CADM2: variants seen among roughly 807,000 people sequenced by gnomAD.
CADM2 encodes immunoglobulin superfamily member 4D.
Under a neutral mutation model 49.8 loss-of-function variants are expected in CADM2, and 12 were observed. The observed-to-expected ratio is 0.24, with a 90% CI of 0.15 to 0.39. CADM2 has a LOEUF of 0.39. Ranked by LOEUF, CADM2 falls within the 10% of genes least tolerant of loss-of-function variation. The pLI is 1.00. For missense variants in CADM2, 378 were observed against 492.3 expected (o/e 0.77, Z 2.20); for synonymous variants, 214 against 175.4 (o/e 1.22, Z -1.74).
intron 1 of CADM2, among the ~76,000 whole-genome samples, chr3:85,082,096 G>A (rs376055042): frequency 1.3e-5 from 2 of 152,172 alleles, no homozygotes; most frequent in Non-Finnish European, 2.9e-5. Context: ...ATTAGCTCAC[G>A]TATGCTCAAT....
intron 1 of CADM2, among the ~76,000 whole-genome samples, chr3:84,987,263 C>A (rs1410798086): frequency 6.6e-6 from 1 of 151,776 alleles, no homozygotes; most frequent in Non-Finnish European, 1.5e-5. Context: ...TAGGTGGTGT[C>A]TTCTGTTAGC....
intron 8 of CADM2, among the ~76,000 whole-genome samples, chr3:86,056,347 G>T (rs2107359616): frequency 6.6e-6 from 1 of 152,308 alleles, no homozygotes; most frequent in African/African-American, 2.4e-5. Context: ...ATCGCTGAAA[G>T]GAAGAGAACT....
chr3:85,507,857 G>T (rs1467656875), intron 1 of CADM2, among the ~76,000 whole-genome samples: 1 of 152,066 alleles, frequency 6.6e-6, no homozygotes, highest in African/African-American at 2.4e-5. Context: ...GCAGCATCTA[G>T]GTATGCAATT....
Position 85,823,311 on chromosome 3 carries a change from A to T in CADM2, c.238+21115A>T, listed in dbSNP as rs565410700. ...AGCTAAGAACCCTGATATTTAGCTGATACTTCTATTGTGCACTAAGGTTTT... is the reference window on the plus strand; with the variant it reads ...AGCTAAGAACCCTGATATTTAGCTGTTACTTCTATTGTGCACTAAGGTTTT... On this transcript the variant is annotated intron_variant, in intron 3 of 9. Transcript: ENST00000383699. 4.6e-5 allele frequency among the ~76,000 whole-genome samples: 7 copies of T among 152,294 alleles called. No homozygotes were observed. In the East Asian group the frequency reaches 1.3e-3, roughly 29 times the overall value.
intron 2 of CADM2, among the ~76,000 whole-genome samples, chr3:85,759,124 T>A (rs910712922): frequency 6.6e-6 from 1 of 152,030 alleles, no homozygotes; most frequent in Non-Finnish European, 1.5e-5. Context: ...TTTAAAATAA[T>A]AAATGTATGG....
intron 1 of CADM2, among the ~76,000 whole-genome samples, chr3:85,032,598 G>C (rs904304448): frequency 6.6e-6 from 1 of 152,108 alleles, no homozygotes; most frequent in African/African-American, 2.4e-5. Context: ...AATTCTGTAT[G>C]CATTGCAATG....
intron 8 of CADM2, chr3:86,013,740 G>C (rs2106936692): frequency 6.3e-7 from 1 of 1,592,424 alleles, no homozygotes; most frequent in African/African-American, 1.3e-5. Flanking sequence ...GCCTTATGAA[G>C]CTGATGCAGA....
chr3:85,891,152 A>G (rs1714378940), intron 5 of CADM2, among the ~76,000 whole-genome samples: 1 of 152,150 alleles, frequency 6.6e-6, no homozygotes, highest in Non-Finnish European at 1.5e-5. Context: ...ATCCAAAACC[A>G]CAGGTAGTTT....
intron 1 of CADM2, among the ~76,000 whole-genome samples, chr3:85,321,941 A>G (rs980373414): frequency 5.3e-5 from 8 of 152,230 alleles, no homozygotes; most frequent in Non-Finnish European, 1.0e-4. Flanking sequence ...AATAGTATTT[A>G]TTAGTTTGCA....
intron 1 of CADM2, among the ~76,000 whole-genome samples, chr3:85,577,663 A>G (rs1209864558): frequency 6.6e-6 from 1 of 152,134 alleles, no homozygotes; most frequent in Non-Finnish European, 1.5e-5. Flanking sequence ...TTTTTTTCCA[A>G]ACACCATCTT....
At chr3:85,424,301 TA>T in intron 1 of CADM2, among the ~76,000 whole-genome samples, 1 of 151,748 alleles carries the variant, frequency 6.6e-6, no homozygotes, top group Middle Eastern at 3.4e-3. Context: ...ATAGTAGATT[TA>T]AAAAATTATA....
chr3:85,582,827 C>T (rs527531707), intron 1 of CADM2, among the ~76,000 whole-genome samples: 28 of 152,232 alleles, frequency 1.8e-4, no homozygotes, highest in African/African-American at 5.8e-4. Flanking sequence ...TGCTAGGAAT[C>T]TAATAGAGTG....
chr3:85,827,399 T>C (rs906344076), intron 3 of CADM2, among the ~76,000 whole-genome samples: 1 of 151,912 alleles, frequency 6.6e-6, no homozygotes, highest in Non-Finnish European at 1.5e-5. Flanking sequence ...CTTGTAGTAA[T>C]GTATATACAC....
intron 1 of CADM2, among the ~76,000 whole-genome samples, chr3:85,544,979 C>T (rs1018457013): frequency 2.6e-5 from 4 of 152,014 alleles, no homozygotes; most frequent in African/African-American, 9.7e-5. Flanking sequence ...TTAGGTCATC[C>T]AACTCCCACC....
intron 1 of CADM2, among the ~76,000 whole-genome samples, chr3:85,311,375 T>G: frequency 6.7e-6 from 1 of 149,394 alleles, no homozygotes; most frequent in Admixed American, 6.7e-5. Flanking sequence ...TTATTATTAT[T>G]ATTATTATTA....
intron 1 of CADM2, among the ~76,000 whole-genome samples, chr3:85,077,024 T>C (rs1424560847): frequency 6.6e-6 from 1 of 152,148 alleles, no homozygotes; most frequent in South Asian, 2.1e-4. Context: ...TTAGAATACA[T>C]TGTATATGTT....
In CADM2 at chr3:85,846,814, A is replaced by G. The variant is rs559456282; in HGVS notation, c.239-36477A>G. 2.4e-4 allele frequency among the ~76,000 whole-genome samples: 37 copies of G among 152,272 alleles called. No homozygotes were observed. The South Asian group carries it at 7.5e-3, about 31-fold the overall frequency. On this transcript the variant is annotated intron_variant, in intron 3 of 9. Coordinates refer to ENST00000383699, the MANE Select transcript of CADM2 (RefSeq NM_001167675.2). ...GAGTTCAAGTCTGCAGTGAGCTATG[A>G]TCATGCCACAGTACTCCAGTCTGCG...
chr3:84,972,412 A>C (rs950372047), intron 1 of CADM2, among the ~76,000 whole-genome samples: 1 of 152,186 alleles, frequency 6.6e-6, no homozygotes, highest in African/African-American at 2.4e-5. Flanking sequence ...ATGTAAACAG[A>C]TTTTTTATTG....
At chr3:85,402,890 C>A (rs2035184268) in intron 1 of CADM2, among the ~76,000 whole-genome samples, 1 of 152,074 alleles carries the variant, frequency 6.6e-6, no homozygotes, top group Non-Finnish European at 1.5e-5. Flanking sequence ...AAATCATTTT[C>A]AAATTGATAT....
Sources: allele counts gnomAD v4.1 joint callset (sites outside exome capture counted in the v4.1 genomes callset), GRCh38; gene constraint gnomAD v4.1.1; transcripts MANE v1.5; gene names NCBI Gene and HGNC (gene_info 2026-07-23, HGNC 2026-07-21).